Variants in ZNF195 observed in about 807,000 individuals in gnomAD.
ZNF195 encodes the protein zinc finger protein 195, also known as hypoxia-regulated factor-1.
A neutral mutation model predicts 19.5 loss-of-function variants in ZNF195; 11 were observed. That is an observed-to-expected ratio of 0.57 (90% CI 0.36 to 0.94). ZNF195 has a LOEUF of 0.94. ZNF195 is among the 40% of genes least tolerant of loss of function. The pLI, the probability that ZNF195 is intolerant of heterozygous loss-of-function variation, is 0.01. For missense variants in ZNF195, 582 were observed against 709.0 expected (o/e 0.82, Z 2.03); for synonymous variants, 214 against 248.1 (o/e 0.86, Z 1.29).
intron 2 of ZNF195, among the ~76,000 whole-genome samples, chr11:3,371,314 A>C (rs1047516823): frequency 1.4e-4 from 22 of 152,242 alleles, no homozygotes; most frequent in African/African-American, 5.3e-4. Flanking sequence ...TGTGGGCAAC[A>C]ATATTTCATG....
intron 3 of ZNF195, chr11:3,366,863 G>A (rs1200150101): frequency 1.1e-5 from 5 of 441,020 alleles, no homozygotes; most frequent in African/African-American, 8.1e-5. Flanking sequence ...CCAGGAGTCC[G>A]AGACCAGCCT....
chr11:3,366,229 A>G (rs1450923344), intron 3 of ZNF195, among the ~76,000 whole-genome samples: 5 of 140,018 alleles, frequency 3.6e-5, no homozygotes, highest in Admixed American at 8.1e-5. Context: ...GCACCACTGC[A>G]CTCCAGCCTG....
At chr11:3,365,182 T>C (rs6578339) in intron 3 of ZNF195, among the ~76,000 whole-genome samples, 114,166 of 152,120 alleles carry the variant, frequency 0.75, 43,203 homozygotes, top group Middle Eastern at 0.8. Context: ...TGAAGCAAGA[T>C]GTACACAGCA....
At chr11:3,373,889 G>A (rs1849332143) in intron 1 of ZNF195, among the ~76,000 whole-genome samples, 1 of 152,264 alleles carries the variant, frequency 6.6e-6, no homozygotes, top group East Asian at 1.9e-4. Flanking sequence ...TTCAGCAATT[G>A]GAGTATAAGC....
intron 3 of ZNF195, among the ~76,000 whole-genome samples, chr11:3,365,805 T>G (rs958697978): frequency 8.5e-5 from 13 of 152,338 alleles, no homozygotes; most frequent in African/African-American, 3.1e-4. Context: ...AAATAAACCC[T>G]TGTGGATAAA....
At chr11:3,374,183 G>C (rs1262516205) in intron 1 of ZNF195, among the ~76,000 whole-genome samples, 1 of 152,210 alleles carries the variant, frequency 6.6e-6, no homozygotes, top group Non-Finnish European at 1.5e-5. Context: ...TGCTTCTCAA[G>C]CTTCAATGTG....
intron 3 of ZNF195, among the ~76,000 whole-genome samples, chr11:3,363,125 A>G (rs1433595259): frequency 1.3e-5 from 2 of 152,368 alleles, no homozygotes; most frequent in Middle Eastern, 3.4e-3. Flanking sequence ...ACTTCCTATT[A>G]TACTGCTATT....
chr11:3,369,573 T>A (rs1849078931), intron 3 of ZNF195: 1 of 429,840 alleles, frequency 2.3e-6, no homozygotes, highest in East Asian at 7.3e-5. Flanking sequence ...AGGAATGAAA[T>A]CCTGTCATTC....
intron 3 of ZNF195, chr11:3,362,680 G>T: frequency 2.3e-6 from 1 of 426,498 alleles, no homozygotes. Flanking sequence ...AGGAAAGAGA[G>T]AAAGAAAAAG....
intron 2 of ZNF195, 149 bp from the exon 3 acceptor site, chr11:3,371,219 TA>T (rs765443185): frequency 1.3e-6 from 1 of 757,206 alleles, no homozygotes; most frequent in Non-Finnish European, 2.0e-6. Context: ...GAATATTCAG[TA>T]AGTATTTTAA....
At chr11:3,370,938 C>G in intron 3 of ZNF195, 37 bp downstream of exon 3, 2 of 1,610,660 alleles carry the variant, frequency 1.2e-6, no homozygotes, top group Non-Finnish European at 1.7e-6. Flanking sequence ...CTCTGGACCT[C>G]TCACCTGGGT....
intron 1 of ZNF195, among the ~76,000 whole-genome samples, chr11:3,378,296 C>A (rs1459700004): frequency 6.6e-6 from 1 of 151,850 alleles, no homozygotes; most frequent in Non-Finnish European, 1.5e-5. Flanking sequence ...GGGGACAGAG[C>A]GAGACTCCAT....
intron 1 of ZNF195, among the ~76,000 whole-genome samples, chr11:3,374,158 C>A (rs912412156): frequency 6.6e-6 from 1 of 152,234 alleles, no homozygotes; most frequent in African/African-American, 2.4e-5. Context: ...GGCTGAGAAC[C>A]ATTTAGCTAA....
chr11:3,366,001 T>C (rs1336060998), intron 3 of ZNF195, among the ~76,000 whole-genome samples: 1 of 152,078 alleles, frequency 6.6e-6, no homozygotes, highest in African/African-American at 2.4e-5. Flanking sequence ...CTCACGCCTA[T>C]AATCCCAGCA....
At chr11:3,371,806 AAGGTAATTCTTAGC>A (rs1245633525) in intron 1 of ZNF195, 103 bp from the exon 2 acceptor site, 1 of 1,338,644 alleles carries the variant, frequency 7.5e-7, no homozygotes, top group Non-Finnish European at 1.0e-6. Flanking sequence ...ATTATACAAT[AAGGTAATTCTTAGC>A]AGAAGAATAC....
chr11:3,360,175 C>T lies in ZNF195; in HGVS notation c.833G>A (p.Gly278Asp), dbSNP rs973814621. ...GKKFQKCGEC[G>D]KTFIQCSHFT... is the part of the protein sequence containing the mutation. ...GTGTGAGCACTGGATAAAGGTTTTG[C>T]CACATTCTCCACATTTTTGGAATTT... Residue 278 changes from glycine (G) to aspartate (D), a missense_variant, in exon 6 of 6, where the codon GGC (glycine) becomes GAC (aspartate). Around this residue, in one of 3 missense-constraint regions of ZNF195, gnomAD observed 407 missense variants for 530.5 expected, o/e 0.77. Transcript: ENST00000399602. 2.5e-6 allele frequency: 4 copies of T among 1,613,820 alleles called. No homozygotes were observed. In the Middle Eastern group the frequency reaches 5.0e-4, roughly 200 times the overall value.
Position 3,359,545 on chromosome 11 carries a change from T to C in ZNF195, c.1463A>G (p.His488Arg), listed in dbSNP as rs1396898807. Residue 488 changes from histidine to arginine, a missense_variant, in exon 6 of 6, where the codon CAT (histidine) becomes CGT (arginine). Physicochemically the swap from His to Arg is conservative, Grantham distance 29 (BLOSUM62 0). Coordinates refer to ENST00000399602, the MANE Select transcript of ZNF195 (RefSeq NM_001130520.3). This position sits in a 1 kb window ranked among gnomAD's most constrained non-coding sequence, Gnocchi z 5.5. ...CSSLSNHKRT[H>R]SEEKPYTCEE... ...ACACGTGTAGGGTTTTTCTTCAGAA[T>C]GAGTTCTCTTATGGTTAGAAAGGCT... 1 of 1,614,180 alleles carries C rather than the reference T, an allele frequency of 6.2e-7. No individual in the cohort carries two copies. Among genetic ancestry groups the C allele is most frequent in the South Asian group, 1.1e-5 (1 of 91,082 alleles).
chr11:3,369,782 T>C (rs1277684447), intron 3 of ZNF195, among the ~76,000 whole-genome samples: 1 of 152,208 alleles, frequency 6.6e-6, no homozygotes, highest in Non-Finnish European at 1.5e-5. Flanking sequence ...AGTTGTAAGA[T>C]GAGTAAGTTT....
chr11:3,367,970 C>A (rs1827759805), intron 3 of ZNF195, among the ~76,000 whole-genome samples: 2 of 151,900 alleles, frequency 1.3e-5, no homozygotes, highest in African/African-American at 2.4e-5. Flanking sequence ...CCCAGCTACT[C>A]AGGAGGCTGA....
Sources: allele counts gnomAD v4.1 joint callset (sites outside exome capture counted in the v4.1 genomes callset), GRCh38; gene constraint gnomAD v4.1.1; regional missense constraint gnomAD v4.1.1; non-coding constraint Gnocchi (gnomAD v3.1); transcripts MANE v1.5; gene names NCBI Gene and HGNC (gene_info 2026-07-23, HGNC 2026-07-21).